Variants in ITGA4 observed in about 807,000 individuals in gnomAD.
The protein encoded by ITGA4 is integrin subunit alpha 4.
A neutral mutation model predicts 133.6 loss-of-function variants in ITGA4; 63 were observed. That is an observed-to-expected ratio of 0.47 (90% confidence interval 0.38 to 0.58). The LOEUF is 0.58. Among genes scored for constraint, ITGA4 ranks in the 20% least tolerant of loss-of-function variants. The pLI, the probability that ITGA4 is intolerant of heterozygous loss-of-function variation, is 0.00. For missense variants in ITGA4, 1,076 were observed against 1,252.7 expected, an observed-to-expected ratio of 0.86 and a Z score of 2.13; for synonymous variants, 483 against 438.0, an observed-to-expected ratio of 1.10 and a Z score of -1.28.
At position 181,482,573 on chromosome 2, in the gene ITGA4, A is replaced by G. The variant is rs1395875416; in HGVS notation, c.963A>G (p.Ser321=). The change falls in exon 9 of 28, where the codon TCA becomes TCG. Residue 321 remains serine (S), a synonymous_variant. Coordinates refer to ENST00000397033, the MANE Select transcript of ITGA4 (RefSeq NM_000885.6). ...TGGACCTCAATGCAGATGGCTTCTC[A>G]GATCTGCTCGTGGGAGCACCCATGC... The part of the protein sequence containing the change: ...CAVDLNADGF[S]DLLVGAPMQS... The G allele has an allele frequency of 4.3e-6, 7 of 1,613,636 alleles. No individual in the cohort carries two copies. The highest frequency in any genetic ancestry group is 1.1e-5 in the South Asian group (1 of 91,072).
chr2:181,529,533 C>T lies in ITGA4; in HGVS notation c.2431-8C>T. 6.7e-6 allele frequency: 10 copies of T among 1,495,342 alleles called. No individual in the cohort carries two copies. The highest frequency in any genetic ancestry group is 9.2e-6 in the Non-Finnish European group (10 of 1,081,298). 92.6% of individuals were successfully genotyped at this position (1,495,342 alleles called of 1,614,324 possible). A position where few individuals can be genotyped will look rare whatever the true frequency, so the allele number is the denominator to read the frequency against. On this transcript the variant is annotated splice_polypyrimidine_tract_variant and splice_region_variant and intron_variant, in intron 22 of 27. Coordinates refer to ENST00000397033, the MANE Select transcript of ITGA4 (RefSeq NM_000885.6). ...TTAATTTGTTAAAAAATTTTTCCTTCTTATCAGGTTATCAACACTGGCAAT... is the reference window on the plus strand; with the variant it reads ...TTAATTTGTTAAAAAATTTTTCCTTTTTATCAGGTTATCAACACTGGCAAT...
chr2:181,493,790 C>A (rs1387414284), intron 11 of ITGA4, among the ~76,000 whole-genome samples: 1 of 152,158 alleles, frequency 6.6e-6, no homozygotes, highest in Non-Finnish European at 1.5e-5. Context: ...GTGAAGATTG[C>A]ACAGGGAGAT....
chr2:181,475,540 A>G (rs1014449649), intron 4 of ITGA4, among the ~76,000 whole-genome samples: 1 of 152,180 alleles, frequency 6.6e-6, no homozygotes, highest in Non-Finnish European at 1.5e-5. Context: ...CCACTTTTGC[A>G]TCAAATTTAC....
chr2:181,531,783 A>C lies in ITGA4; in HGVS notation c.2784+7A>C, dbSNP rs761076659. The C allele has an allele frequency of 8.1e-6, 13 of 1,596,264 alleles. No individual in the cohort carries two copies. The highest frequency in any genetic ancestry group is 4.5e-5 in the East Asian group (2 of 44,246). ...GCCATCCATTTTAGAAATGGTAAGTAAGTCTAAAACATTGACAACTTGGTG... is the reference window on the plus strand; with the variant it reads ...GCCATCCATTTTAGAAATGGTAAGTCAGTCTAAAACATTGACAACTTGGTG... On this transcript the variant is annotated splice_region_variant and intron_variant, in intron 25 of 27. Coordinates refer to ENST00000397033, the MANE Select transcript of ITGA4 (RefSeq NM_000885.6).
Position 181,495,743 on chromosome 2 carries a change from A to G in ITGA4, c.1386-40A>G. 2 of 1,570,016 alleles carry G rather than the reference A, an allele frequency of 1.3e-6. No individual in the cohort carries two copies. Among genetic ancestry groups the G allele is most frequent in the Non-Finnish European group, 8.7e-7 (1 of 1,152,578 alleles). On this transcript the variant is annotated intron_variant, in intron 13 of 27. Coordinates refer to ENST00000397033, the MANE Select transcript of ITGA4 (RefSeq NM_000885.6). The surrounding 1 kb of genome is among the most constrained non-coding windows in gnomAD (Gnocchi z 4.3). ...CGCATTTCTCTCCTTAAGGAAAAAT[A>G]ATTCTGCAATTAACATTGCTACTTT...
chr2:181,520,928 C>T (rs1029875243), intron 17 of ITGA4, among the ~76,000 whole-genome samples: 21 of 152,232 alleles, frequency 1.4e-4, no homozygotes, highest in African/African-American at 4.8e-4. Context: ...TCTGTCCTTA[C>T]ATACTCTGTC....
intron 25 of ITGA4, among the ~76,000 whole-genome samples, chr2:181,532,014 C>T (rs1275795855): frequency 4.6e-5 from 7 of 152,156 alleles, no homozygotes; most frequent in Admixed American, 4.6e-4. Flanking sequence ...GTGGCTCATG[C>T]CTGTAATCCC....
intron 17 of ITGA4, among the ~76,000 whole-genome samples, chr2:181,520,861 A>G (rs1686703729): frequency 6.6e-6 from 1 of 152,168 alleles, no homozygotes; most frequent in East Asian, 1.9e-4. Context: ...CTTTCAATTC[A>G]TTCATGAATC....
At chr2:181,521,838 G>A (rs1206335773) in intron 17 of ITGA4, among the ~76,000 whole-genome samples, 3 of 151,998 alleles carry the variant, frequency 2.0e-5, no homozygotes, top group African/African-American at 4.8e-5. Context: ...TTGCAAGAAA[G>A]AAAAGAAAAA....
intron 17 of ITGA4, among the ~76,000 whole-genome samples, chr2:181,513,099 TA>T (rs996856853): frequency 6.6e-6 from 1 of 152,080 alleles, no homozygotes; most frequent in Non-Finnish European, 1.5e-5. Flanking sequence ...TCTTAGTAGT[TA>T]TTTAGCCCTT....
In ITGA4 at chr2:181,537,458, T is replaced by TACCA. The variant is rs1553511398; in HGVS notation, c.*1932_*1935dup. ...ACTTGTATCATGAATTTTAAAACCC[T>TACCA]ACCACTTTAAGAAGACAGGGATGGG... On this transcript the variant is annotated 3_prime_UTR_variant, in exon 28 of 28. Coordinates refer to ENST00000397033, the MANE Select transcript of ITGA4 (RefSeq NM_000885.6). The TACCA allele has an allele frequency of 2.2e-6, 1 of 453,772 alleles. No homozygotes were observed. Among genetic ancestry groups the TACCA allele is most frequent in the African/African-American group, 2.0e-5 (1 of 49,948 alleles). The allele number at this position is 453,772 out of a possible 1,614,324, so 28.1% of individuals were successfully genotyped here.
chr2:181,531,674 T>C lies in ITGA4; in HGVS notation c.2682T>C (p.Asp894=). The C allele has an allele frequency of 6.3e-7, 1 of 1,599,974 alleles. No homozygotes were observed. The highest frequency in any genetic ancestry group is 8.5e-7 in the Non-Finnish European group (1 of 1,169,830). The change falls in exon 25 of 28, where the codon GAT becomes GAC. Residue 894 remains aspartate, a synonymous_variant. Coordinates refer to ENST00000397033, the MANE Select transcript of ITGA4 (RefSeq NM_000885.6). The part of the protein sequence containing the change: ...DKRLLYCIKA[D]PHCLNFLCNF... ...CCTTCAAGTACTGCATAAAAGCTGA[T>C]CCACATTGTTTAAATTTCTTGTGTA...
intron 4 of ITGA4, among the ~76,000 whole-genome samples, chr2:181,477,027 GCCTATTA>G (rs1046319076): frequency 1.2e-4 from 19 of 152,104 alleles, no homozygotes; most frequent in Non-Finnish European, 2.5e-4. Context: ...CAGGTACTAT[GCCTATTA>G]CCTGCATGGG....
intron 2 of ITGA4, among the ~76,000 whole-genome samples, chr2:181,462,372 C>G (rs1428573495): frequency 6.6e-6 from 1 of 152,090 alleles, no homozygotes; most frequent in African/African-American, 2.4e-5. Context: ...ATTATATAAC[C>G]TATTTGAAAG....
intron 10 of ITGA4, among the ~76,000 whole-genome samples, chr2:181,489,291 A>G (rs1685990389): frequency 3.9e-5 from 6 of 152,070 alleles, no homozygotes. Context: ...AAAAAATCAG[A>G]CTCTATTTCC....
intron 17 of ITGA4, among the ~76,000 whole-genome samples, chr2:181,517,645 T>TC (rs1686634091): frequency 6.6e-6 from 1 of 152,110 alleles, no homozygotes; most frequent in African/African-American, 2.4e-5. Context: ...AGCTGGTAGG[T>TC]ATCTTTCTGA....
chr2:181,537,328 T>TATGGTTG lies in ITGA4; in HGVS notation c.*1802_*1808dup, dbSNP rs1044878682. On this transcript the variant is annotated 3_prime_UTR_variant, in exon 28 of 28. Coordinates refer to ENST00000397033, the MANE Select transcript of ITGA4 (RefSeq NM_000885.6). ...TCTGAGCACAGTGAAAGCAGAGTAC[T>TATGGTTG]ATGGTTGTCCAACACAGGCCTCTCA... 2.2e-6 allele frequency: 1 copy of TATGGTTG among 453,670 alleles called. No homozygotes were observed. The highest frequency in any genetic ancestry group is 2.0e-5 in the African/African-American group (1 of 49,968). 28.1% of individuals were successfully genotyped at this position (453,670 alleles called of 1,614,324 possible). A position where few individuals can be genotyped will look rare whatever the true frequency, so the allele number is the denominator to read the frequency against.
In ITGA4 at chr2:181,523,949, G is replaced by A. The variant is rs138337533; in HGVS notation, c.2170-222G>A. ...CTTGCCTGCGTTCACATTCAGAGACGTCTTTGTCTCTGAATGTTACGTGTG... is the reference window on the plus strand; with the variant it reads ...CTTGCCTGCGTTCACATTCAGAGACATCTTTGTCTCTGAATGTTACGTGTG... On this transcript the variant is annotated intron_variant, in intron 19 of 27. Coordinates refer to ENST00000397033, the MANE Select transcript of ITGA4 (RefSeq NM_000885.6). This position sits in a 1 kb window ranked among gnomAD's most constrained non-coding sequence, Gnocchi z 4.2. 2.4e-4 allele frequency among the ~76,000 whole-genome samples: 37 copies of A among 152,248 alleles called. 1 individual carries two copies. The East Asian group carries it at 6.9e-3, about 29-fold the overall frequency.
chr2:181,496,033 G>C (rs1209978499), intron 14 of ITGA4, 96 bp downstream of exon 14: 3 of 1,270,478 alleles, frequency 2.4e-6, no homozygotes, highest in Non-Finnish European at 3.3e-6. Flanking sequence ...TCACCACGGA[G>C]ATCTTCTTTA....
Sources: gnomAD v4.1 joint callset for allele counts (sites outside exome capture counted in the v4.1 genomes callset) on GRCh38, gnomAD v4.1.1 for gene constraint, Gnocchi (gnomAD v3.1) non-coding constraint, MANE v1.5 for transcripts, NCBI Gene and HGNC (gene_info 2026-07-23, HGNC 2026-07-21) for gene names.